The following FOXP1 variants were observed in gnomAD, a reference collection of about 807,000 sequenced individuals.
FOXP1 encodes forkhead box P1.
Under a neutral mutation model 98.2 loss-of-function variants are expected in FOXP1, and 15 were observed. The observed-to-expected ratio is 0.15, with a 90% CI of 0.10 to 0.24. The LOEUF (loss-of-function observed/expected upper bound fraction) is 0.24, where lower values mean the gene tolerates loss of function less well. Among genes scored for constraint, FOXP1 ranks in the 10% least tolerant of loss-of-function variants. The pLI is 1.00. For missense variants in FOXP1, 633 were observed against 848.5 expected (o/e 0.75, Z 3.15); for synonymous variants, 371 against 314.5 (o/e 1.18, Z -1.90).
At chr3:71,030,275 G>T (rs571104239) in intron 11 of FOXP1, among the ~76,000 whole-genome samples, 2 of 152,166 alleles carry the variant, frequency 1.3e-5, no homozygotes, top group East Asian at 1.9e-4. Context: ...AACCAGTATG[G>T]TCCATAACGC....
chr3:71,058,879 G>A (rs1170957765), intron 7 of FOXP1, among the ~76,000 whole-genome samples: 3 of 150,014 alleles, frequency 2.0e-5, no homozygotes, highest in African/African-American at 4.9e-5. Flanking sequence ...ATAATATTTC[G>A]GTCTTAAAAA....
intron 3 of FOXP1, among the ~76,000 whole-genome samples, chr3:71,419,776 T>A (rs1347256792): frequency 6.6e-6 from 1 of 152,120 alleles, no homozygotes; most frequent in Non-Finnish European, 1.5e-5. Context: ...CATACATATA[T>A]GCACACACAC....
intron 4 of FOXP1, among the ~76,000 whole-genome samples, chr3:71,328,958 C>T (rs1016895350): frequency 3.3e-5 from 4 of 119,808 alleles, no homozygotes; most frequent in Non-Finnish European, 6.5e-5. Context: ...GCAACAAGAG[C>T]GAAACTCCAT....
chr3:71,015,700 A>G (rs2044358807), intron 11 of FOXP1, 47 bp from the exon 12 acceptor site: 1 of 1,343,006 alleles, frequency 7.4e-7, no homozygotes. Context: ...TGCTGCCAAG[A>G]ACCATTCCAC....
chr3:70,997,888 G>C (rs563257256), intron 13 of FOXP1, among the ~76,000 whole-genome samples: 30 of 152,318 alleles, frequency 2.0e-4, no homozygotes, highest in Admixed American at 3.9e-4. Flanking sequence ...TGGATGAATG[G>C]ATGGATGGAT....
chr3:71,569,197 G>A (rs538066050), intron 2 of FOXP1, among the ~76,000 whole-genome samples: 1 of 152,284 alleles, frequency 6.6e-6, no homozygotes, highest in South Asian at 2.1e-4. Flanking sequence ...TCACTAATGG[G>A]CAGAATAGGG....
At chr3:70,970,508 A>C in intron 19 of FOXP1, 1 of 545,870 alleles carries the variant, frequency 1.8e-6, no homozygotes, top group Non-Finnish European at 3.3e-6. Flanking sequence ...AATATTAATA[A>C]GTGAACTTTT....
chr3:71,074,134 T>C (rs1559875215), intron 7 of FOXP1, among the ~76,000 whole-genome samples: 2 of 152,224 alleles, frequency 1.3e-5, no homozygotes, highest in South Asian at 2.1e-4. Flanking sequence ...TGGCATTTCC[T>C]ATAGAAGTGC....
intron 5 of FOXP1, among the ~76,000 whole-genome samples, chr3:71,291,653 C>T (rs2072756516): frequency 6.6e-6 from 1 of 151,886 alleles, no homozygotes; most frequent in South Asian, 2.1e-4. Flanking sequence ...ACATAAAATC[C>T]TTACCACATG....
Position 70,974,598 on chromosome 3 carries a change from T to C in FOXP1, c.1531-1922A>G, listed in dbSNP as rs566966441. ...AGGAGCCACTGCATTTGGCTGCATT[T>C]TAAAAAAATATATTGCCCAAAGGCA... On this transcript the variant is annotated intron_variant, in intron 17 of 20. Coordinates refer to ENST00000649528, the MANE Select transcript of FOXP1 (RefSeq NM_001349338.3). Among the ~76,000 whole-genome samples the C allele has an allele frequency of 5.9e-5, 9 of 152,322 alleles. No homozygotes were observed. The South Asian group carries it at 1.9e-3, about 32-fold the overall frequency.
chr3:71,165,244 T>C (rs1340903687), intron 6 of FOXP1, among the ~76,000 whole-genome samples: 5 of 88,708 alleles, frequency 5.6e-5, no homozygotes, highest in Non-Finnish European at 1.3e-4. Context: ...AGCTATTTTT[T>C]TGTAAAAAAA....
At chr3:71,352,432 T>TC (rs1295022733) in intron 4 of FOXP1, among the ~76,000 whole-genome samples, 1 of 117,100 alleles carries the variant, frequency 8.5e-6, no homozygotes, top group Non-Finnish European at 1.6e-5. Context: ...ACCACTGCAC[T>TC]CCAACTTCAG....
chr3:70,973,393 T>C (rs2036763195), intron 17 of FOXP1, among the ~76,000 whole-genome samples: 1 of 152,232 alleles, frequency 6.6e-6, no homozygotes, highest in Admixed American at 6.5e-5. Flanking sequence ...AAAATGACTA[T>C]ATTCCTACAG....
intron 4 of FOXP1, among the ~76,000 whole-genome samples, chr3:71,316,606 G>A (rs536683060): frequency 6.6e-6 from 1 of 152,098 alleles, no homozygotes; most frequent in East Asian, 1.9e-4. Flanking sequence ...TGGGGCACCC[G>A]GATGTAGGCC....
chr3:71,554,296 T>C (rs1203366921), intron 2 of FOXP1, among the ~76,000 whole-genome samples: 5 of 152,134 alleles, frequency 3.3e-5, no homozygotes, highest in Non-Finnish European at 7.4e-5. Context: ...AAGGCTGCAG[T>C]GAGCTATGAT....
intron 2 of FOXP1, among the ~76,000 whole-genome samples, chr3:71,528,486 G>T (rs762187414): frequency 1.9e-4 from 29 of 152,164 alleles, no homozygotes; most frequent in Non-Finnish European, 3.7e-4. Flanking sequence ...AATAAATAAT[G>T]TTTGACCTTC....
At chr3:71,561,716 T>C (rs2046555990) in intron 2 of FOXP1, among the ~76,000 whole-genome samples, 1 of 152,212 alleles carries the variant, frequency 6.6e-6, no homozygotes, top group Non-Finnish European at 1.5e-5. Context: ...TAGTCCCTTA[T>C]ATATGATCCT....
At chr3:71,336,631 T>C (rs2076700776) in intron 4 of FOXP1, among the ~76,000 whole-genome samples, 1 of 152,064 alleles carries the variant, frequency 6.6e-6, no homozygotes, top group South Asian at 2.1e-4. Context: ...AACTAAAGAG[T>C]AGATGAAGAA....
chr3:71,046,863 A>G (rs2049097215), intron 10 of FOXP1, 79 bp downstream of exon 10: 7 of 1,496,928 alleles, frequency 4.7e-6, no homozygotes, highest in Non-Finnish European at 5.6e-6. Flanking sequence ...AATGTCCTTA[A>G]CAAATATACC....
Sources: gnomAD v4.1 joint callset for allele counts (sites outside exome capture counted in the v4.1 genomes callset) on GRCh38, gnomAD v4.1.1 for gene constraint, MANE v1.5 for transcripts, NCBI Gene and HGNC (gene_info 2026-07-23, HGNC 2026-07-21) for gene names.